The following RORA variants were observed in gnomAD, a reference collection of about 807,000 sequenced individuals.
RORA encodes the protein RAR related orphan receptor A, also known as nuclear receptor ROR-alpha.
In RORA, 7 loss-of-function variants were observed where a neutral mutation model predicts 69.5. The ratio of observed to expected loss-of-function variants is 0.10; its 90% CI spans 0.06 to 0.19. The LOEUF is 0.19. RORA is among the 10% of genes least tolerant of loss of function. The pLI, the probability that RORA is intolerant of heterozygous loss-of-function variation, is 1.00. For synonymous variants in RORA, 261 were observed against 240.8 expected, an observed-to-expected ratio of 1.08 and a Z score of -0.78; for missense variants, 457 against 663.0, an observed-to-expected ratio of 0.69 and a Z score of 3.41.
intron 1 of RORA, among the ~76,000 whole-genome samples, chr15:61,201,599 G>T (rs1026452893): frequency 3.3e-5 from 5 of 152,068 alleles, no homozygotes; most frequent in Non-Finnish European, 5.9e-5. Context: ...ATTTTTCCAG[G>T]AAATATTTCT....
chr15:60,923,404 C>T (rs1160353934), intron 1 of RORA, among the ~76,000 whole-genome samples: 1 of 152,096 alleles, frequency 6.6e-6, no homozygotes, highest in Non-Finnish European at 1.5e-5. Flanking sequence ...CATAGTGGGC[C>T]CTCAAACAAA....
At chr15:60,591,192 C>A (rs1033207223) in intron 2 of RORA, among the ~76,000 whole-genome samples, 1 of 152,204 alleles carries the variant, frequency 6.6e-6, no homozygotes, top group Non-Finnish European at 1.5e-5. Flanking sequence ...AAGCCGCGTC[C>A]GCCGCAAACA....
chr15:60,742,071 T>C (rs1187125602), intron 1 of RORA, among the ~76,000 whole-genome samples: 2 of 152,046 alleles, frequency 1.3e-5, no homozygotes, highest in South Asian at 4.2e-4. Flanking sequence ...TGCAAATAAT[T>C]CCTGTGACTA....
At chr15:60,839,785 C>A (rs776184464) in intron 1 of RORA, among the ~76,000 whole-genome samples, 6 of 152,112 alleles carry the variant, frequency 3.9e-5, no homozygotes, top group Non-Finnish European at 5.9e-5. Flanking sequence ...TTACAGGCAC[C>A]AGAAGCATGG....
chr15:60,548,451 T>C (rs1021740989), intron 2 of RORA, among the ~76,000 whole-genome samples: 7 of 152,094 alleles, frequency 4.6e-5, no homozygotes, highest in Non-Finnish European at 1.0e-4. Context: ...CAATTCATTC[T>C]AGATAATCAA....
At chr15:60,958,645 A>C (rs764525633) in intron 1 of RORA, among the ~76,000 whole-genome samples, 1 of 152,210 alleles carries the variant, frequency 6.6e-6, no homozygotes, top group Non-Finnish European at 1.5e-5. Context: ...GAGACTTAGC[A>C]ACCATTGTTG....
In RORA at chr15:61,061,137, A is replaced by G. The variant is rs562797474; in HGVS notation, c.166+167916T>C. Among the ~76,000 whole-genome samples, 2 of 152,138 alleles carry G rather than the reference A, an allele frequency of 1.3e-5. No homozygotes were observed. Among genetic ancestry groups the G allele is most frequent in the African/African-American group, 4.8e-5 (2 of 41,502 alleles). On this transcript the variant is annotated intron_variant, in intron 1 of 10. Transcript: ENST00000335670. This position sits in a 1 kb window ranked among gnomAD's most constrained non-coding sequence, Gnocchi z 4.4. Reference sequence around the variant, plus strand: ...GGGAGGCCGAGGCGGGCGGATCACAAGATCAGGAGATCGAGACCATCCTGG... The same window carrying G: ...GGGAGGCCGAGGCGGGCGGATCACAGGATCAGGAGATCGAGACCATCCTGG...
At chr15:60,912,647 A>G (rs60524929) in intron 1 of RORA, among the ~76,000 whole-genome samples, 15,744 of 152,048 alleles carry the variant, frequency 0.1, 1,399 homozygotes, top group East Asian at 0.28. Flanking sequence ...CCAGCTCCTC[A>G]GGAGGCTGAG....
intron 2 of RORA, chr15:60,558,348 G>A (rs200821196): frequency 1.1e-5 from 15 of 1,343,428 alleles, no homozygotes; most frequent in Non-Finnish European, 1.5e-5. Flanking sequence ...AGCTACTAAT[G>A]GGCATTAATT....
chr15:60,624,903 T>A (rs551325174), intron 2 of RORA, among the ~76,000 whole-genome samples: 18 of 152,230 alleles, frequency 1.2e-4, no homozygotes, highest in African/African-American at 4.3e-4. Flanking sequence ...CTCAGTATTA[T>A]CAAGGCTTTG....
chr15:61,132,703 T>C (rs1232237473), intron 1 of RORA, among the ~76,000 whole-genome samples: 1 of 152,238 alleles, frequency 6.6e-6, no homozygotes, highest in Admixed American at 6.5e-5. Flanking sequence ...ACAGTCCTGC[T>C]GTCAGAAATG....
At chr15:61,125,185 C>T (rs1406290736) in intron 1 of RORA, among the ~76,000 whole-genome samples, 1 of 152,118 alleles carries the variant, frequency 6.6e-6, no homozygotes, top group Non-Finnish European at 1.5e-5. Context: ...AGTATTCATA[C>T]CAAAAGCCAA....
chr15:60,969,703 C>CGATGGTGG lies in RORA; in HGVS notation c.166+259342_166+259349dup, dbSNP rs201455799. Among the ~76,000 whole-genome samples, 874 of 152,292 alleles carry CGATGGTGG rather than the reference C, an allele frequency of 5.7e-3. 12 individuals are homozygous for CGATGGTGG. The highest frequency in any genetic ancestry group is 0.02 in the African/African-American group (834 of 41,544). ...ACACACCAAGCTATCACTCCATACA[C>CGATGGTGG]GATGGTGGTACTGCCTCACAGTTAG... is the stretch of plus-strand genomic sequence containing the variant. On this transcript the variant is annotated intron_variant, in intron 1 of 10. Coordinates refer to ENST00000335670, the MANE Select transcript of RORA (RefSeq NM_134261.3).
At chr15:60,592,371 G>A in intron 2 of RORA, 1 of 1,413,868 alleles carries the variant, frequency 7.1e-7, no homozygotes, top group Non-Finnish European at 9.3e-7. Context: ...GGCCCCGGCG[G>A]GGCGCCCGGG....
intron 1 of RORA, among the ~76,000 whole-genome samples, chr15:60,828,190 G>A (rs1038118414): frequency 7.9e-5 from 12 of 152,294 alleles, no homozygotes; most frequent in Admixed American, 7.2e-4. Flanking sequence ...AGGAGCAGGA[G>A]GGAGTGCTGC....
chr15:60,972,727 A>G (rs1893754857), intron 1 of RORA, among the ~76,000 whole-genome samples: 2 of 152,194 alleles, frequency 1.3e-5, no homozygotes, highest in African/African-American at 4.8e-5. Flanking sequence ...CAGTTTCATC[A>G]TCTATCAAAT....
chr15:60,539,625 G>A (rs1056563897), intron 2 of RORA, among the ~76,000 whole-genome samples: 3 of 152,162 alleles, frequency 2.0e-5, no homozygotes, highest in African/African-American at 4.8e-5. Flanking sequence ...AAGAGAATAA[G>A]CTTCCTAATA....
chr15:60,535,759 T>G (rs2066656597), intron 2 of RORA, among the ~76,000 whole-genome samples: 1 of 152,198 alleles, frequency 6.6e-6, no homozygotes, highest in Non-Finnish European at 1.5e-5. Context: ...TAGTGATCTC[T>G]CAATAATAAT....
intron 1 of RORA, among the ~76,000 whole-genome samples, chr15:61,100,309 G>A (rs1490155812): frequency 6.6e-6 from 1 of 151,896 alleles, no homozygotes; most frequent in Non-Finnish European, 1.5e-5. Flanking sequence ...TAGTAGAGAT[G>A]GGGTTTTGCC....
Sources: gnomAD v4.1 joint callset for allele counts (sites outside exome capture counted in the v4.1 genomes callset) on GRCh38, gnomAD v4.1.1 for gene constraint, Gnocchi (gnomAD v3.1) non-coding constraint, MANE v1.5 for transcripts, NCBI Gene and HGNC (gene_info 2026-07-23, HGNC 2026-07-21) for gene names.